The following DACH2 variants were observed in gnomAD, a reference collection of about 807,000 sequenced individuals.
DACH2 encodes dachshund family transcription factor 2, also known as dachshund homolog 2.
A neutral mutation model predicts 35.8 loss-of-function variants in DACH2; 17 were observed. The observed-to-expected ratio is 0.48, with a 90% CI of 0.33 to 0.71. The LOEUF (loss-of-function observed/expected upper bound fraction) is 0.71. Among genes scored for constraint, DACH2 ranks in the 30% least tolerant of loss-of-function variants. The pLI is 0.02. For synonymous variants in DACH2, 195 were observed against 177.3 expected (o/e 1.10, Z -0.79); for missense variants, 469 against 472.7 (o/e 0.99, Z 0.07).
chrX:86,258,871 T>G (rs1403791056), intron 1 of DACH2, among the ~76,000 whole-genome samples: 1 of 111,723 alleles, frequency 9.0e-6, no homozygotes, highest in Non-Finnish European at 1.9e-5. Flanking sequence ...CATGTAGAAA[T>G]TGTCTATTTT....
intron 4 of DACH2, among the ~76,000 whole-genome samples, chrX:86,667,588 GAAAGAAAGAAAGAAAGAAAGAAAGA>G (rs1569463721): frequency 6.8e-5 from 7 of 103,494 alleles, no homozygotes; most frequent in African/African-American, 2.7e-4. Context: ...AAGAAAGAAA[GAAAGAAAGAAAGAAAGAAAGAAAGA>G]AAGGCAGGCA....
At chrX:86,304,691 A>G in intron 1 of DACH2, 1 of 170,478 alleles carries the variant, frequency 5.9e-6, no homozygotes, top group Non-Finnish European at 1.3e-5. Context: ...GGCATCCACA[A>G]GAGAAGACCA....
At chrX:86,582,771 T>A (rs1414984417) in intron 3 of DACH2, among the ~76,000 whole-genome samples, 3 of 109,929 alleles carry the variant, frequency 2.7e-5, no homozygotes, top group African/African-American at 6.6e-5. Flanking sequence ...ACTGCTAAAG[T>A]CTACCAGATG....
At chrX:86,719,046 G>A (rs1244436839) in intron 6 of DACH2, among the ~76,000 whole-genome samples, 1 of 112,034 alleles carries the variant, frequency 8.9e-6, no homozygotes, top group Non-Finnish European at 1.9e-5. Flanking sequence ...CGTTAAATCT[G>A]TAGATTGCTT....
intron 7 of DACH2, among the ~76,000 whole-genome samples, chrX:86,797,521 C>T (rs1173061587): frequency 1.8e-5 from 2 of 110,979 alleles, no homozygotes; most frequent in East Asian, 2.8e-4. Context: ...GTAGTGTCTT[C>T]GCTTCAACAT....
chrX:86,590,129 T>A (rs1303383794), intron 3 of DACH2, among the ~76,000 whole-genome samples: 1 of 111,688 alleles, frequency 9.0e-6, no homozygotes, highest in East Asian at 2.8e-4. Context: ...GGGATCACTG[T>A]CTCACCGCTG....
chrX:86,587,777 A>T (rs2039593349), intron 3 of DACH2, among the ~76,000 whole-genome samples: 1 of 111,678 alleles, frequency 9.0e-6, no homozygotes, highest in South Asian at 3.7e-4. Context: ...TTAAACCTTT[A>T]TTGAATGCAT....
At chrX:86,667,501 G>GAAAGAAAGAA (rs2040695759) in intron 4 of DACH2, among the ~76,000 whole-genome samples, 1 of 32,051 alleles carries the variant, frequency 3.1e-5, no homozygotes, top group Non-Finnish European at 5.5e-5. Context: ...GAAAGAAAGA[G>GAAAGAAAGAA]AAAGAAAGAA....
chrX:86,466,001 G>C (rs1213163878), intron 2 of DACH2, among the ~76,000 whole-genome samples: 1 of 111,695 alleles, frequency 9.0e-6, no homozygotes, highest in Non-Finnish European at 1.9e-5. Flanking sequence ...GATAATAAAA[G>C]TGGGAAAGGT....
In DACH2 at chrX:86,597,113, C is replaced by T. The variant is rs567709518; in HGVS notation, c.641-53923C>T. Among the ~76,000 whole-genome samples the T allele has an allele frequency of 4.5e-5, 5 of 111,807 alleles. No individual in the cohort carries two copies. In the South Asian group the frequency reaches 1.9e-3, roughly 41 times the overall value. On this transcript the variant is annotated intron_variant, in intron 3 of 11. Coordinates refer to ENST00000373125, the MANE Select transcript of DACH2 (RefSeq NM_053281.3). Reference sequence around the variant, plus strand: ...TCTTTTCCAAGATGTTTTGCCTATTCAGGGCCCCTTGCAATTCCATATGAA... The same window carrying T: ...TCTTTTCCAAGATGTTTTGCCTATTTAGGGCCCCTTGCAATTCCATATGAA...
chrX:86,211,998 C>A (rs112264423), intron 1 of DACH2, among the ~76,000 whole-genome samples: 1 of 111,688 alleles, frequency 9.0e-6, no homozygotes, highest in Non-Finnish European at 1.9e-5. Flanking sequence ...AAGACAACAT[C>A]TGGACTTCAA....
At chrX:86,555,485 T>C (rs779773714) in intron 3 of DACH2, among the ~76,000 whole-genome samples, 9 of 111,713 alleles carry the variant, frequency 8.1e-5, no homozygotes, top group Admixed American at 6.7e-4. Context: ...TTTTGTACAA[T>C]TTAAAGCATA....
At chrX:86,685,238 G>A (rs1451105481) in intron 4 of DACH2, among the ~76,000 whole-genome samples, 1 of 111,472 alleles carries the variant, frequency 9.0e-6, no homozygotes, top group Admixed American at 9.6e-5. Flanking sequence ...ATCACAATGA[G>A]GTCAGAATAA....
At chrX:86,693,419 T>G (rs2041031659) in intron 4 of DACH2, among the ~76,000 whole-genome samples, 2 of 111,639 alleles carry the variant, frequency 1.8e-5, no homozygotes, top group Admixed American at 1.9e-4. Flanking sequence ...TGGAAGCTAG[T>G]CAAGACTCTC....
At chrX:86,264,490 T>G (rs748248359) in intron 1 of DACH2, among the ~76,000 whole-genome samples, 3 of 111,128 alleles carry the variant, frequency 2.7e-5, no homozygotes, top group East Asian at 2.8e-4. Flanking sequence ...TCATTTTTAT[T>G]AGATAGTATA....
At chrX:86,770,419 C>T (rs182656838) in intron 7 of DACH2, among the ~76,000 whole-genome samples, 1 of 111,711 alleles carries the variant, frequency 9.0e-6, no homozygotes, top group Admixed American at 9.6e-5. Context: ...TATTTGACTT[C>T]CCTCTGGTTT....
chrX:86,157,757 A>G (rs778163586), intron 1 of DACH2, among the ~76,000 whole-genome samples: 1 of 111,902 alleles, frequency 8.9e-6, no homozygotes, highest in Admixed American at 9.5e-5. Context: ...GTATAGTACT[A>G]TCATCACAAA....
chrX:86,195,551 C>T (rs1178316613), intron 1 of DACH2, among the ~76,000 whole-genome samples: 2 of 111,707 alleles, frequency 1.8e-5, no homozygotes, highest in African/African-American at 6.5e-5. Flanking sequence ...GAGCAGGCAT[C>T]CTGGTACCCA....
At chrX:86,676,619 C>T (rs1047916402) in intron 4 of DACH2, among the ~76,000 whole-genome samples, 1 of 111,588 alleles carries the variant, frequency 9.0e-6, no homozygotes, top group African/African-American at 3.3e-5. Context: ...TTTAAATAGA[C>T]ATATGTGTCC....
Sources: gnomAD v4.1 joint callset for allele counts (sites outside exome capture counted in the v4.1 genomes callset) on GRCh38, gnomAD v4.1.1 for gene constraint, MANE v1.5 for transcripts, NCBI Gene and HGNC (gene_info 2026-07-23, HGNC 2026-07-21) for gene names.